Variants in PAOX observed in about 807,000 individuals in gnomAD.
The protein encoded by PAOX is peroxisomal N(1)-acetyl-spermine/spermidine oxidase.
In PAOX, 38 loss-of-function variants were observed where a neutral mutation model predicts 39.0. The ratio of observed to expected loss-of-function variants is 0.97; its 90% CI spans 0.75 to 1.28. PAOX has a LOEUF of 1.28. PAOX is among the 50% of genes most tolerant of loss of function. The pLI, the probability that PAOX is intolerant of heterozygous loss-of-function variation, is 0.00. For synonymous variants in PAOX, 311 were observed against 314.4 expected, an observed-to-expected ratio of 0.99 and a Z score of 0.11; for missense variants, 667 against 685.7, an observed-to-expected ratio of 0.97 and a Z score of 0.30.
intron 5 of PAOX, among the ~76,000 whole-genome samples, chr10:133,389,378 C>T (rs61868270): frequency 0.091 from 13,804 of 152,228 alleles, 705 homozygotes; most frequent in Non-Finnish European, 0.1. Flanking sequence ...GGTCCCGGCC[C>T]GCTGCTGTCG....
chr10:133,390,752 GT>G, intron 6 of PAOX: 2 of 575,396 alleles, frequency 3.5e-6, no homozygotes, highest in East Asian at 5.7e-5. Flanking sequence ...AGTTTCAGGT[GT>G]TACTAATTGA....
Position 133,383,987 on chromosome 10 carries a change from T to C in PAOX, c.896T>C (p.Phe299Ser), listed in dbSNP as rs757032908. The C allele has an allele frequency of 1.5e-5, 25 of 1,614,016 alleles. No individual in the cohort carries two copies. In the Middle Eastern group the frequency reaches 1.2e-3, roughly 74 times the overall value. ...TTTCTTAGGGAACATTTGGACACCT[T>C]CTTTGACCCTCCCCTGCCGGCTGAG... Reference protein sequence around the residue: ...LGFLREHLDTFFDPPLPAEKA... With the variant: ...LGFLREHLDTSFDPPLPAEKA... The change falls in exon 4 of 7, where the codon TTC becomes TCC. Residue 299 changes from phenylalanine (F) to serine (S), a missense_variant. Transcript: ENST00000278060.
intron 2 of PAOX, 87 bp from the exon 3 acceptor site, chr10:133,381,373 C>A: frequency 7.8e-7 from 1 of 1,280,690 alleles, no homozygotes; most frequent in Non-Finnish European, 1.1e-6. Flanking sequence ...ACCTTTGATG[C>A]GGGTGGGAAC....
At chr10:133,387,384 GAA>G (rs910032720) in intron 4 of PAOX, among the ~76,000 whole-genome samples, 3 of 152,208 alleles carry the variant, frequency 2.0e-5, no homozygotes, top group African/African-American at 7.2e-5. Flanking sequence ...ACTGATCTCA[GAA>G]AAGTCTTTCA....
At position 133,380,200 on chromosome 10, in the gene PAOX, C is replaced by T. The variant is rs753690252; in HGVS notation, c.383C>T (p.Ala128Val). 23 of 1,612,390 alleles carry T rather than the reference C, an allele frequency of 1.4e-5. No individual in the cohort carries two copies. Among genetic ancestry groups the T allele is most frequent in the African/African-American group, 9.3e-5 (7 of 74,930 alleles). Reference sequence around the variant, plus strand: ...GCCAGCGTGAGCCTCCAGCTGGTGGCGGAGATGGCGACTCTGTTCTACGGC... The same window carrying T: ...GCCAGCGTGAGCCTCCAGCTGGTGGTGGAGATGGCGACTCTGTTCTACGGC... ...SGASVSLQLV[A>V]EMATLFYGLI... The change falls in exon 2 of 7, where the codon GCG becomes GTG. Residue 128 changes from alanine (A) to valine (V), a missense_variant. Physicochemically the swap from Ala to Val is moderately conservative, Grantham distance 64. Coordinates refer to ENST00000278060, the MANE Select transcript of PAOX (RefSeq NM_152911.4).
rs564758204 is a variant in PAOX at position 133,381,939 on chromosome 10, G to A, written c.868+280G>A. 5.3e-5 allele frequency among the ~76,000 whole-genome samples: 8 copies of A among 152,192 alleles called. No individual in the cohort carries two copies. The South Asian group carries it at 1.2e-3, about 24-fold the overall frequency. On this transcript the variant is annotated intron_variant, in intron 3 of 6. Transcript: ENST00000278060. ...GACGGCCTTGGAGATTAACCACACC[G>A]CACTTTGCTGCAGACAGGAAAAGGC... is the stretch of plus-strand genomic sequence containing the variant.
chr10:133,387,980 G>A (rs1436067154), intron 4 of PAOX, among the ~76,000 whole-genome samples: 1 of 152,140 alleles, frequency 6.6e-6, no homozygotes, highest in Non-Finnish European at 1.5e-5. Context: ...GCCTCCCAAA[G>A]TGCTGGGATT....
intron 1 of PAOX, 153 bp downstream of exon 1, chr10:133,379,650 C>A: frequency 1.5e-6 from 1 of 678,772 alleles, no homozygotes; most frequent in Non-Finnish European, 2.1e-6. Context: ...GAGTTCACCG[C>A]CCCGAAACTC....
rs1849493599 is a variant in PAOX at position 133,384,969 on chromosome 10, G to C, written c.1121+757G>C. Among the ~76,000 whole-genome samples, 1 of 152,192 alleles carries C rather than the reference G, an allele frequency of 6.6e-6. No individual in the cohort carries two copies. Among genetic ancestry groups the C allele is most frequent in the Admixed American group, 6.5e-5 (1 of 15,280 alleles). ...GACCAGCCCTGCACCTGTGACGGGG[G>C]AAGCCTGTGTGTCTCCTTCACACTG... On this transcript the variant is annotated intron_variant, in intron 4 of 6. Coordinates refer to ENST00000278060, the MANE Select transcript of PAOX (RefSeq NM_152911.4). The surrounding 1 kb of genome is among the most constrained non-coding windows in gnomAD (Gnocchi z 4.3).
intron 6 of PAOX, chr10:133,391,030 C>T (rs541988309): frequency 2.4e-4 from 170 of 702,280 alleles, no homozygotes; most frequent in East Asian, 7.0e-4. Flanking sequence ...TTGGTGGATG[C>T]GTGTGAGCCG....
At chr10:133,383,477 C>G (rs940215692) in intron 3 of PAOX, among the ~76,000 whole-genome samples, 2 of 151,952 alleles carry the variant, frequency 1.3e-5, no homozygotes, top group African/African-American at 4.8e-5. Flanking sequence ...GTCGTGGGTG[C>G]CTGTAATCCC....
Position 133,384,226 on chromosome 10 carries a change from C to T in PAOX, c.1121+14C>T. 1.2e-6 allele frequency: 2 copies of T among 1,609,502 alleles called. No individual in the cohort carries two copies. The highest frequency in any genetic ancestry group is 1.7e-6 in the Non-Finnish European group (2 of 1,177,416). On this transcript the variant is annotated intron_variant, in intron 4 of 6. Coordinates refer to ENST00000278060, the MANE Select transcript of PAOX (RefSeq NM_152911.4). This position sits in a 1 kb window ranked among gnomAD's most constrained non-coding sequence, Gnocchi z 4.3. ...GCCTGCCTTTGCGTACGTTTGCTCC[C>T]TGAGAAGTTCTGCGAGTGGCTGGCT... is the stretch of plus-strand genomic sequence containing the variant.
chr10:133,387,821 T>C (rs10776677), intron 4 of PAOX, among the ~76,000 whole-genome samples: 136,545 of 152,298 alleles, frequency 0.9, 62,535 homozygotes, highest in East Asian at 1. Context: ...CCCGGGTTCA[T>C]GCCATTCTCC....
In PAOX at chr10:133,379,283, TA is replaced by T; in HGVS notation, c.-33del. ...CTCCGAGAGCTCCAGACCTCCCGGC[TA>T]CTCAGAAGCCCTCGGACTGCCCGGA... On this transcript the variant is annotated 5_prime_UTR_variant, in exon 1 of 7. Transcript: ENST00000278060. 2 of 1,206,872 alleles carry T rather than the reference TA, an allele frequency of 1.7e-6. No individual in the cohort carries two copies. Among genetic ancestry groups the T allele is most frequent in the East Asian group, 6.7e-5 (2 of 29,732 alleles). 74.8% of individuals were successfully genotyped at this position (1,206,872 alleles called of 1,614,324 possible).
intron 3 of PAOX, among the ~76,000 whole-genome samples, chr10:133,383,185 C>CA (rs555499183): frequency 4.7e-5 from 7 of 150,140 alleles, no homozygotes; most frequent in Middle Eastern, 3.5e-3. Context: ...AACTCCGTCT[C>CA]AAAAAAAAAG....
chr10:133,387,797 C>T (rs1259010773), intron 4 of PAOX, among the ~76,000 whole-genome samples: 10 of 152,148 alleles, frequency 6.6e-5, no homozygotes, highest in African/African-American at 1.4e-4. Context: ...CTTGGCTCAC[C>T]GCAACCTCCA....
Position 133,389,650 on chromosome 10 carries a change from A to G in PAOX, c.1295A>G (p.Tyr432Cys). ...VLRSRWHSAP[Y>C]TRGSYSYVAV... Reference sequence around the variant, plus strand: ...CGGTCTCGCTGGCACAGCGCCCCGTACACTAGGGGGTCCTACAGCTACGTG... The same window carrying G: ...CGGTCTCGCTGGCACAGCGCCCCGTGCACTAGGGGGTCCTACAGCTACGTG... The change falls in exon 6 of 7, where the codon TAC becomes TGC. Residue 432 changes from tyrosine to cysteine, a missense_variant. Transcript: ENST00000278060. 1.9e-6 allele frequency: 3 copies of G among 1,613,414 alleles called. No homozygotes were observed. Among genetic ancestry groups the G allele is most frequent in the East Asian group, 2.2e-5 (1 of 44,868 alleles).
At position 133,391,306 on chromosome 10, in the gene PAOX, T is replaced by C. The variant is rs373522773; in HGVS notation, c.1393-6T>C. 6.8e-6 allele frequency: 11 copies of C among 1,613,246 alleles called. No homozygotes were observed. The highest frequency in any genetic ancestry group is 2.7e-5 in the African/African-American group (2 of 74,928). On this transcript the variant is annotated splice_polypyrimidine_tract_variant and splice_region_variant and intron_variant, in intron 6 of 6. Transcript: ENST00000278060. Reference sequence around the variant, plus strand: ...TCCCCATTCTAACCCTGGCTCTTCTTTGCAGCTCCAGATCCTGTTTGCGGG... The same window carrying C: ...TCCCCATTCTAACCCTGGCTCTTCTCTGCAGCTCCAGATCCTGTTTGCGGG...
chr10:133,389,702 G>A lies in PAOX; in HGVS notation c.1347G>A (p.Leu449=). The change falls in exon 6 of 7, where the codon CTG becomes CTA. Residue 449 remains leucine, a synonymous_variant. Transcript: ENST00000278060. ...YVAVGSTGGD[L]DLLAQPLPAD... The stretch of plus-strand genomic sequence containing the variant: ...CCGTGGGCAGTACTGGGGGCGACCT[G>A]GACCTGCTGGCTCAGCCCCTCCCTG... 4 of 1,593,524 alleles carry A rather than the reference G, an allele frequency of 2.5e-6. No homozygotes were observed. Among genetic ancestry groups the A allele is most frequent in the Non-Finnish European group, 3.4e-6 (4 of 1,167,362 alleles).
Sources: gnomAD v4.1 joint callset for allele counts (sites outside exome capture counted in the v4.1 genomes callset) on GRCh38, gnomAD v4.1.1 for gene constraint, Gnocchi (gnomAD v3.1) non-coding constraint, MANE v1.5 for transcripts, NCBI Gene and HGNC (gene_info 2026-07-23, HGNC 2026-07-21) for gene names.